CSMD1: variants seen among roughly 807,000 people sequenced by gnomAD.
CSMD1 encodes CUB and sushi domain-containing protein 1.
A neutral mutation model predicts 417.5 loss-of-function variants in CSMD1; 213 were observed. The ratio of observed to expected loss-of-function variants is 0.51; its 90% CI spans 0.46 to 0.57. The LOEUF (loss-of-function observed/expected upper bound fraction) is 0.57. CSMD1 is among the 20% of genes least tolerant of loss of function. CSMD1 has a pLI of 0.00. For missense variants in CSMD1, 6,923 were observed against 4,529.7 expected, an observed-to-expected ratio of 1.53 and a Z score of -15.17; for synonymous variants, 2,862 against 1,736.8, an observed-to-expected ratio of 1.65 and a Z score of -16.11.
At chr8:3,445,462 C>T (rs1265191818) in intron 12 of CSMD1, among the ~76,000 whole-genome samples, 1 of 152,150 alleles carries the variant, frequency 6.6e-6, no homozygotes, top group African/African-American at 2.4e-5. Flanking sequence ...GTGAGGTCAA[C>T]TTAAACACAC....
rs547577396 is a variant in CSMD1, at chr8:3,692,176, T to G, written c.1009+16238A>C. Among the ~76,000 whole-genome samples, 4 of 152,316 alleles carry G rather than the reference T, an allele frequency of 2.6e-5. No individual in the cohort carries two copies. The South Asian group carries it at 8.3e-4, about 32-fold the overall frequency. ...AATGACCATGGCCCTACAACATTGT[T>G]TCTCCTGACTTTACGTTGTTATGCC... On this transcript the variant is annotated intron_variant, in intron 7 of 69. Transcript: ENST00000635120.
chr8:3,634,167 ATGAGAG>A (rs552838561), intron 7 of CSMD1, among the ~76,000 whole-genome samples: 383 of 152,270 alleles, frequency 2.5e-3, no homozygotes, highest in Non-Finnish European at 4.5e-3. Context: ...GTCCTAGCTT[ATGAGAG>A]TGTCTTCGTT....
intron 3 of CSMD1, among the ~76,000 whole-genome samples, chr8:4,305,908 G>A (rs767683437): frequency 6.6e-6 from 1 of 152,202 alleles, no homozygotes; most frequent in East Asian, 1.9e-4. Context: ...GCATCAGAAT[G>A]TTTACCATTC....
At position 4,170,354 on chromosome 8, in the gene CSMD1, T is replaced by A. The variant is rs895697176; in HGVS notation, c.416-138255A>T. On this transcript the variant is annotated intron_variant, in intron 3 of 69. Coordinates refer to ENST00000635120, the MANE Select transcript of CSMD1 (RefSeq NM_033225.6). Reference sequence around the variant, plus strand: ...CTGTCTCATTTCATGCAGTTCCGTATATTCGGATAATTTATGAAAAATTGA... The same window carrying A: ...CTGTCTCATTTCATGCAGTTCCGTAAATTCGGATAATTTATGAAAAATTGA... 1.4e-4 allele frequency among the ~76,000 whole-genome samples: 22 copies of A among 151,926 alleles called. 1 individual carries two copies. The highest frequency in any genetic ancestry group is 4.9e-4 in the African/African-American group (20 of 41,146).
At chr8:4,771,110 A>G (rs1008134523) in intron 1 of CSMD1, among the ~76,000 whole-genome samples, 3 of 152,236 alleles carry the variant, frequency 2.0e-5, no homozygotes, top group Non-Finnish European at 4.4e-5. Context: ...CACTCAACAT[A>G]TAACCTCATG....
chr8:4,718,540 G>A (rs1310908601), intron 1 of CSMD1, among the ~76,000 whole-genome samples: 2 of 151,578 alleles, frequency 1.3e-5, no homozygotes, highest in Non-Finnish European at 2.9e-5. Context: ...TACTAGCTAA[G>A]GGAATTTGAA....
intron 3 of CSMD1, among the ~76,000 whole-genome samples, chr8:4,264,770 C>T (rs967014763): frequency 3.3e-5 from 5 of 152,028 alleles, no homozygotes; most frequent in Admixed American, 2.0e-4. Flanking sequence ...GTTCTTTGGC[C>T]ATTTTTGCGC....
intron 5 of CSMD1, among the ~76,000 whole-genome samples, chr8:3,847,049 C>G (rs1213219323): frequency 1.3e-5 from 2 of 152,126 alleles, no homozygotes; most frequent in Admixed American, 6.6e-5. Context: ...AATCTAGTCT[C>G]AGGTTTAGAA....
intron 3 of CSMD1, among the ~76,000 whole-genome samples, chr8:4,359,170 G>C (rs1481508782): frequency 2.6e-5 from 4 of 152,094 alleles, no homozygotes; most frequent in African/African-American, 4.8e-5. Flanking sequence ...AAGTTACTTG[G>C]TTATCAGCAA....
At chr8:4,327,341 A>G (rs938606768) in intron 3 of CSMD1, among the ~76,000 whole-genome samples, 1 of 152,182 alleles carries the variant, frequency 6.6e-6, no homozygotes, top group Non-Finnish European at 1.5e-5. Context: ...GAGAATCAGA[A>G]TAGGCAGAGA....
At chr8:3,150,061 T>C (rs1240830198) in intron 40 of CSMD1, among the ~76,000 whole-genome samples, 6 of 152,186 alleles carry the variant, frequency 3.9e-5, no homozygotes, top group African/African-American at 1.4e-4. Context: ...GCAAGGACGA[T>C]GGGCCCAGCT....
chr8:3,129,346 G>C (rs1430801344), intron 41 of CSMD1, among the ~76,000 whole-genome samples: 1 of 152,142 alleles, frequency 6.6e-6, no homozygotes, highest in Non-Finnish European at 1.5e-5. Context: ...ATTCCTACAT[G>C]GGCTTTTTGC....
At chr8:3,569,956 T>C (rs1301295078) in intron 10 of CSMD1, among the ~76,000 whole-genome samples, 1 of 152,136 alleles carries the variant, frequency 6.6e-6, no homozygotes, top group Admixed American at 6.5e-5. Flanking sequence ...ATAACTGAAA[T>C]TTAATGTGTT....
chr8:4,806,248 A>G (rs1210895885), intron 1 of CSMD1, among the ~76,000 whole-genome samples: 1 of 152,206 alleles, frequency 6.6e-6, no homozygotes, highest in Non-Finnish European at 1.5e-5. Context: ...ACTGAGGATC[A>G]TGCAGTGTGC....
intron 3 of CSMD1, among the ~76,000 whole-genome samples, chr8:4,128,235 C>A (rs574715179): frequency 6.6e-6 from 1 of 152,178 alleles, no homozygotes; most frequent in East Asian, 1.9e-4. Context: ...CATGTTTCTG[C>A]ATGGCTGACA....
At chr8:4,080,388 T>C (rs902257953) in intron 3 of CSMD1, among the ~76,000 whole-genome samples, 3 of 152,194 alleles carry the variant, frequency 2.0e-5, no homozygotes, top group Non-Finnish European at 4.4e-5. Flanking sequence ...GAATTCTACA[T>C]ATTGAATTTC....
intron 10 of CSMD1, among the ~76,000 whole-genome samples, chr8:3,564,946 C>T (rs1250175736): frequency 1.3e-5 from 2 of 151,004 alleles, no homozygotes; most frequent in Non-Finnish European, 2.9e-5. Context: ...AATCATGGAT[C>T]AACGCCATAA....
At chr8:4,209,525 G>A (rs1318230270) in intron 3 of CSMD1, among the ~76,000 whole-genome samples, 1 of 152,166 alleles carries the variant, frequency 6.6e-6, no homozygotes. Flanking sequence ...CTGGGAAACA[G>A]GAGCCGCGTG....
At chr8:3,488,263 C>G (rs928076663) in intron 11 of CSMD1, among the ~76,000 whole-genome samples, 1 of 151,934 alleles carries the variant, frequency 6.6e-6, no homozygotes, top group Non-Finnish European at 1.5e-5. Flanking sequence ...CCACCACACC[C>G]GGCTAATTTT....
Sources: allele counts gnomAD v4.1 joint callset (sites outside exome capture counted in the v4.1 genomes callset), GRCh38; gene constraint gnomAD v4.1.1; transcripts MANE v1.5; gene names NCBI Gene and HGNC (gene_info 2026-07-23, HGNC 2026-07-21).